Variants in UPF2 observed in about 807,000 individuals in gnomAD.
UPF2 encodes the protein UPF2 regulator of nonsense mediated mRNA decay.
A neutral mutation model predicts 141.4 loss-of-function variants in UPF2; 17 were observed. The ratio of observed to expected loss-of-function variants is 0.12; its 90% confidence interval spans 0.08 to 0.18. The LOEUF is 0.18. Among genes scored for constraint, UPF2 ranks in the 10% least tolerant of loss-of-function variants. The pLI is 1.00. For synonymous variants in UPF2, 540 were observed against 498.0 expected (o/e 1.08, Z -1.12); for missense variants, 1,152 against 1,515.9 (o/e 0.76, Z 3.99).
chr10:11,980,305 T>C lies in UPF2; in HGVS notation c.1845-1140A>G, dbSNP rs1297328854. Among the ~76,000 whole-genome samples, 2 of 152,158 alleles carry C rather than the reference T, an allele frequency of 1.3e-5. No individual in the cohort carries two copies. Among genetic ancestry groups the C allele is most frequent in the Admixed American group, 6.5e-5 (1 of 15,278 alleles). On this transcript the variant is annotated intron_variant, in intron 8 of 21. Transcript: ENST00000357604. The surrounding 1 kb of genome is among the most constrained non-coding windows in gnomAD (Gnocchi z 4.2). ...CTGAAGATGAGAAGTAATGAGCAAC[T>C]GATAAAAGCAGCTTAACTGACAGCA...
chr10:12,024,412 C>A (rs985973985), intron 3 of UPF2, among the ~76,000 whole-genome samples: 1 of 151,778 alleles, frequency 6.6e-6, no homozygotes, highest in East Asian at 2.0e-4. Flanking sequence ...GAGTTCGAGA[C>A]GAGCCTGGGC....
At chr10:11,982,567 TC>T (rs1833616928) in intron 8 of UPF2, among the ~76,000 whole-genome samples, 1 of 152,160 alleles carries the variant, frequency 6.6e-6, no homozygotes, top group African/African-American at 2.4e-5. Context: ...TTTGACCCGT[TC>T]CGAATACTCC....
At chr10:11,985,493 T>A (rs1422866688) in intron 8 of UPF2, among the ~76,000 whole-genome samples, 1 of 151,344 alleles carries the variant, frequency 6.6e-6, no homozygotes, top group Non-Finnish European at 1.5e-5. Flanking sequence ...AAAAATTAGC[T>A]GGGCGTGGTG....
intron 21 of UPF2, chr10:11,928,820 T>TG (rs1832746322): frequency 5.1e-6 from 1 of 195,170 alleles, no homozygotes; most frequent in East Asian, 1.8e-4. Context: ...TAACTTTAAG[T>TG]GGAACTGGTA....
intron 2 of UPF2, among the ~76,000 whole-genome samples, chr10:12,029,768 C>T (rs1179122579): frequency 2.6e-4 from 39 of 152,140 alleles, no homozygotes; most frequent in Non-Finnish European, 7.4e-5. Flanking sequence ...TCAAGGCCAG[C>T]GTGGCCAATA....
intron 3 of UPF2, among the ~76,000 whole-genome samples, chr10:12,021,359 G>A (rs1010615824): frequency 9.1e-6 from 1 of 109,500 alleles, no homozygotes; most frequent in African/African-American, 3.2e-5. Context: ...ATGAAACCAA[G>A]TCTCTACAAA....
chr10:12,003,923 CAAAAAAA>C (rs34191709), intron 5 of UPF2, among the ~76,000 whole-genome samples: 3 of 81,560 alleles, frequency 3.7e-5, no homozygotes, highest in Non-Finnish European at 6.5e-5. Flanking sequence ...AACTCCGCCT[CAAAAAAA>C]AAAAAAAAAA....
At chr10:11,990,032 A>T (rs538588499) in intron 8 of UPF2, among the ~76,000 whole-genome samples, 2 of 152,226 alleles carry the variant, frequency 1.3e-5, no homozygotes, top group African/African-American at 4.8e-5. Context: ...CAGTTATAGG[A>T]AGCTAGAATG....
intron 3 of UPF2, chr10:12,026,710 G>A (rs778100465): frequency 3.6e-5 from 16 of 442,368 alleles, no homozygotes; most frequent in South Asian, 2.6e-4. Context: ...GAGTGCAATG[G>A]CACAATCTCG....
In UPF2 at chr10:11,967,324, A is replaced by G; in HGVS notation, c.2067+17T>C. On this transcript the variant is annotated intron_variant, in intron 10 of 21. Transcript: ENST00000357604. ...TAAACTTTTCAATTAAAAACAATCA[A>G]CTAATTCAGCACTAACCTTTAAACA... The G allele has an allele frequency of 7.3e-7, 1 of 1,370,590 alleles. No individual in the cohort carries two copies. Among genetic ancestry groups the G allele is most frequent in the South Asian group, 1.5e-5 (1 of 65,230 alleles). 84.9% of individuals were successfully genotyped at this position (1,370,590 alleles called of 1,614,324 possible).
chr10:12,033,727 T>C (rs1834569819), intron 2 of UPF2, among the ~76,000 whole-genome samples: 1 of 152,196 alleles, frequency 6.6e-6, no homozygotes, highest in South Asian at 2.1e-4. Flanking sequence ...CTTATTTTTC[T>C]TCATAGAGAC....
chr10:11,941,457 T>G (rs1425321483), intron 18 of UPF2, among the ~76,000 whole-genome samples: 1 of 152,216 alleles, frequency 6.6e-6, no homozygotes, highest in African/African-American at 2.4e-5. Flanking sequence ...AATTTGTACT[T>G]GATCATACCT....
intron 2 of UPF2, 39 bp from the exon 3 acceptor site, chr10:12,029,563 AT>A: frequency 6.5e-7 from 1 of 1,526,906 alleles, no homozygotes; most frequent in Middle Eastern, 2.0e-4. Flanking sequence ...TACTCTCTAC[AT>A]TTTGAAGCAT....
intron 19 of UPF2, among the ~76,000 whole-genome samples, chr10:11,934,915 G>C (rs940291444): frequency 1.3e-5 from 2 of 151,992 alleles, no homozygotes; most frequent in African/African-American, 4.8e-5. Flanking sequence ...TTGGTATATA[G>C]GTGGTATCAC....
intron 14 of UPF2, among the ~76,000 whole-genome samples, chr10:11,954,314 C>A (rs1274693266): frequency 1.3e-5 from 2 of 151,822 alleles, no homozygotes; most frequent in Non-Finnish European, 2.9e-5. Context: ...ACATTTTCCT[C>A]AAAAATGATA....
chr10:12,010,231 T>G (rs1228860894), intron 4 of UPF2, among the ~76,000 whole-genome samples: 1 of 152,024 alleles, frequency 6.6e-6, no homozygotes, highest in African/African-American at 2.4e-5. Context: ...CAATAAAACA[T>G]AAGCGGGCAG....
chr10:11,944,260 G>C (rs921195834), intron 16 of UPF2, among the ~76,000 whole-genome samples: 1 of 152,152 alleles, frequency 6.6e-6, no homozygotes, highest in African/African-American at 2.4e-5. Context: ...ACTTTGGAAG[G>C]CTGAGGTCAG....
At position 12,014,169 on chromosome 10, in the gene UPF2, A is replaced by G; in HGVS notation, c.1161T>C (p.Ser387=). 6.8e-7 allele frequency: 1 copy of G among 1,476,490 alleles called. No individual in the cohort carries two copies. The highest frequency in any genetic ancestry group is 9.1e-7 in the Non-Finnish European group (1 of 1,101,672). 91.5% of individuals were successfully genotyped at this position (1,476,490 alleles called of 1,614,324 possible). ...TERQNRRILH[S]KGELSEDRHK... ...GTCTATCTTCACTGAGCTCCCCTTT[A>G]GAATGTAGAATGCGCCTATAAACAA... The change falls in exon 4 of 22, where the codon TCT becomes TCC. Residue 387 remains serine, a synonymous_variant. Transcript: ENST00000357604. The surrounding 1 kb of genome is among the most constrained non-coding windows in gnomAD (Gnocchi z 5.0).
intron 3 of UPF2, among the ~76,000 whole-genome samples, chr10:12,024,801 C>A (rs1437803658): frequency 6.6e-6 from 1 of 151,468 alleles, no homozygotes; most frequent in African/African-American, 2.4e-5. Flanking sequence ...GGCATGGTAG[C>A]ACGTGCCTGT....
Sources: gnomAD v4.1 joint callset for allele counts (sites outside exome capture counted in the v4.1 genomes callset) on GRCh38, gnomAD v4.1.1 for gene constraint, Gnocchi (gnomAD v3.1) non-coding constraint, MANE v1.5 for transcripts, NCBI Gene and HGNC (gene_info 2026-07-23, HGNC 2026-07-21) for gene names.